BTBD9: variants seen among roughly 807,000 people sequenced by gnomAD.
BTBD9 encodes the protein BTB/POZ domain-containing protein 9.
A neutral mutation model predicts 64.3 loss-of-function variants in BTBD9; 49 were observed. The observed-to-expected ratio is 0.76, with a 90% CI of 0.61 to 0.97. The LOEUF is 0.97. Ranked by LOEUF, BTBD9 falls within the 50% of genes least tolerant of loss-of-function variation. The pLI, the probability that BTBD9 is intolerant of heterozygous loss-of-function variation, is 0.00. For missense variants in BTBD9, 598 were observed against 762.1 expected, an observed-to-expected ratio of 0.78 and a Z score of 2.53; for synonymous variants, 260 against 274.7, an observed-to-expected ratio of 0.95 and a Z score of 0.53.
In BTBD9 at chr6:38,303,846, T is replaced by C. The variant is rs1178754821; in HGVS notation, c.1265-15385A>G. 4.4e-5 allele frequency among the ~76,000 whole-genome samples: 4 copies of C among 90,532 alleles called. No individual in the cohort carries two copies. In the Admixed American group the frequency reaches 4.9e-4, roughly 11 times the overall value. 59.4% of individuals were successfully genotyped at this position (90,532 alleles called of 152,430 possible). ...CTAGCAACTTTAGTTGCTAGATATA[T>C]ATATATATATATATATATATATATA... is the stretch of plus-strand genomic sequence containing the variant. On this transcript the variant is annotated intron_variant, in intron 7 of 10. Transcript: ENST00000481247.
chr6:38,534,460 T>A, intron 6 of BTBD9, among the ~76,000 whole-genome samples: 1 of 143,386 alleles, frequency 7.0e-6, no homozygotes, highest in Non-Finnish European at 1.5e-5. Flanking sequence ...TGATACCAAT[T>A]CTACTCAAAC....
chr6:38,552,240 T>C (rs1043059203), intron 6 of BTBD9, among the ~76,000 whole-genome samples: 1 of 152,148 alleles, frequency 6.6e-6, no homozygotes, highest in Non-Finnish European at 1.5e-5. Context: ...CAACACAGTA[T>C]AGAAATCGGA....
chr6:38,557,089 T>C (rs887287434), intron 6 of BTBD9, among the ~76,000 whole-genome samples: 8 of 134,188 alleles, frequency 6.0e-5, no homozygotes, highest in Admixed American at 5.6e-4. Flanking sequence ...TCCTCACATC[T>C]GTAATCCCAG....
chr6:38,345,419 C>T (rs773178423), intron 6 of BTBD9, among the ~76,000 whole-genome samples: 1 of 152,186 alleles, frequency 6.6e-6, no homozygotes, highest in Non-Finnish European at 1.5e-5. Flanking sequence ...ACATTTATAC[C>T]GGAGAATAAC....
intron 8 of BTBD9, among the ~76,000 whole-genome samples, chr6:38,281,389 A>G (rs1035076523): frequency 9.9e-5 from 15 of 152,222 alleles, no homozygotes; most frequent in Non-Finnish European, 2.2e-4. Context: ...AGAGAAAGAA[A>G]AATATACCAG....
At chr6:38,194,124 G>A (rs1432942384) in intron 9 of BTBD9, among the ~76,000 whole-genome samples, 1 of 152,142 alleles carries the variant, frequency 6.6e-6, no homozygotes, top group Non-Finnish European at 1.5e-5. Flanking sequence ...TGGGGAGTTT[G>A]CTAGATGGGA....
At chr6:38,374,286 T>TATATATATATAC (rs1444399511) in intron 6 of BTBD9, among the ~76,000 whole-genome samples, 826 of 67,244 alleles carry the variant, frequency 0.012, 60 homozygotes, top group East Asian at 0.021. Context: ...AAAAAAAGTA[T>TATATATATATAC]ATATATATAT....
At chr6:38,300,200 C>T (rs938355411) in intron 7 of BTBD9, among the ~76,000 whole-genome samples, 3 of 152,172 alleles carry the variant, frequency 2.0e-5, no homozygotes, top group African/African-American at 7.2e-5. Flanking sequence ...GGGCTCTGTT[C>T]TGTTCCATTG....
At chr6:38,596,052 A>G in intron 2 of BTBD9, 1 of 985,420 alleles carries the variant, frequency 1.0e-6, no homozygotes, top group Non-Finnish European at 1.2e-6. Context: ...GTTTCCTCCT[A>G]TACAATTCCT....
At chr6:38,424,736 C>T (rs1334039339) in intron 6 of BTBD9, among the ~76,000 whole-genome samples, 4 of 151,810 alleles carry the variant, frequency 2.6e-5, no homozygotes, top group East Asian at 1.9e-4. Context: ...AGACTGGTCT[C>T]GAACTCCTGA....
At chr6:38,463,736 T>C (rs577614502) in intron 6 of BTBD9, among the ~76,000 whole-genome samples, 1 of 152,250 alleles carries the variant, frequency 6.6e-6, no homozygotes, top group East Asian at 1.9e-4. Flanking sequence ...AGACAGACTT[T>C]AAAAAGGTAA....
At chr6:38,403,470 CA>C (rs1767035337) in intron 6 of BTBD9, among the ~76,000 whole-genome samples, 1 of 152,064 alleles carries the variant, frequency 6.6e-6, no homozygotes, top group African/African-American at 2.4e-5. Flanking sequence ...CCCCAATAAG[CA>C]TATGAAAAGA....
At chr6:38,534,151 G>A (rs1235035824) in intron 6 of BTBD9, among the ~76,000 whole-genome samples, 1 of 151,728 alleles carries the variant, frequency 6.6e-6, no homozygotes. Flanking sequence ...GAAAAAAAGA[G>A]AGAAGATAAA....
chr6:38,185,636 T>C (rs867512070), intron 10 of BTBD9, among the ~76,000 whole-genome samples: 7 of 152,288 alleles, frequency 4.6e-5, no homozygotes, highest in South Asian at 2.1e-4. Context: ...AGTTTTCCCA[T>C]AGAAATACCA....
chr6:38,570,034 G>A (rs1029539744), intron 6 of BTBD9, among the ~76,000 whole-genome samples: 1 of 152,100 alleles, frequency 6.6e-6, no homozygotes, highest in Non-Finnish European at 1.5e-5. Context: ...GAACTAAGGG[G>A]CAGGAAAATT....
intron 9 of BTBD9, among the ~76,000 whole-genome samples, chr6:38,236,012 T>C (rs1278602675): frequency 6.6e-6 from 1 of 152,184 alleles, no homozygotes; most frequent in Non-Finnish European, 1.5e-5. Context: ...GGGCTGCGTA[T>C]GGGACAGGAC....
In BTBD9 at chr6:38,597,972, C is replaced by G; in HGVS notation, c.123G>C (p.Val41=). ...GGGCAGGAAAACGTTTCTTTTCCAC[C>G]ACGAATGTGACGTCGCCATATTCTT... ...IGEEYGDVTF[V]VEKKRFPAHR... Residue 41 remains valine, a synonymous_variant, in exon 2 of 11, where the codon GTG becomes GTC. Coordinates refer to ENST00000481247, the MANE Select transcript of BTBD9 (RefSeq NM_001099272.2). The G allele has an allele frequency of 6.2e-7, 1 of 1,613,926 alleles. No homozygotes were observed. Among genetic ancestry groups the G allele is most frequent in the Non-Finnish European group, 8.5e-7 (1 of 1,179,886 alleles).
chr6:38,174,780 C>G lies in BTBD9; in HGVS notation c.*205G>C. On this transcript the variant is annotated 3_prime_UTR_variant, in exon 11 of 11. Coordinates refer to ENST00000481247, the MANE Select transcript of BTBD9 (RefSeq NM_001099272.2). ...CCATTTTCTCCCCCTTGAGACCTGCCTGATTTGGATAAATTGAGAAGAACA... is the reference window on the plus strand; with the variant it reads ...CCATTTTCTCCCCCTTGAGACCTGCGTGATTTGGATAAATTGAGAAGAACA... The G allele has an allele frequency of 1.7e-6, 1 of 605,782 alleles. No individual in the cohort carries two copies. The highest frequency in any genetic ancestry group is 2.8e-6 in the Non-Finnish European group (1 of 351,860). 37.5% of individuals were successfully genotyped at this position (605,782 alleles called of 1,614,324 possible).
At chr6:38,480,091 A>G (rs1187202216) in intron 6 of BTBD9, among the ~76,000 whole-genome samples, 1 of 152,214 alleles carries the variant, frequency 6.6e-6, no homozygotes, top group East Asian at 1.9e-4. Context: ...TAGAAGGGAA[A>G]AAAGCAATAC....
Sources: gnomAD v4.1 joint callset for allele counts (sites outside exome capture counted in the v4.1 genomes callset) on GRCh38, gnomAD v4.1.1 for gene constraint, MANE v1.5 for transcripts, NCBI Gene and HGNC (gene_info 2026-07-23, HGNC 2026-07-21) for gene names.